The following DEPDC1B variants were observed in gnomAD, a reference collection of about 807,000 sequenced individuals.
The protein encoded by DEPDC1B is DEP domain containing 1B.
In DEPDC1B, 51 loss-of-function variants were observed where a neutral mutation model predicts 66.5. The observed-to-expected ratio is 0.77, with a 90% confidence interval of 0.61 to 0.97. The LOEUF (loss-of-function observed/expected upper bound fraction) is 0.97, where lower values mean the gene tolerates loss of function less well. Ranked by LOEUF, DEPDC1B falls within the 50% of genes least tolerant of loss-of-function variation. DEPDC1B has a pLI of 0.00. For synonymous variants in DEPDC1B, 226 were observed against 223.6 expected, an observed-to-expected ratio of 1.01 and a Z score of -0.10; for missense variants, 552 against 637.1, an observed-to-expected ratio of 0.87 and a Z score of 1.44.
chr5:60,691,850 C>T (rs1367675560), intron 1 of DEPDC1B, among the ~76,000 whole-genome samples: 24 of 152,120 alleles, frequency 1.6e-4, no homozygotes, highest in Admixed American at 1.4e-3. Context: ...TTGCCCAAAA[C>T]ATTTCAAGTC....
intron 2 of DEPDC1B, among the ~76,000 whole-genome samples, chr5:60,662,183 T>C (rs945609180): frequency 2.0e-5 from 3 of 151,688 alleles, no homozygotes; most frequent in African/African-American, 7.3e-5. Context: ...GGTCAGGAGA[T>C]TGAGACCATC....
At chr5:60,645,233 A>G (rs1005016403) in intron 4 of DEPDC1B, among the ~76,000 whole-genome samples, 4 of 152,244 alleles carry the variant, frequency 2.6e-5, no homozygotes. Context: ...TACATACAGT[A>G]CATCAGTATC....
At chr5:60,634,996 T>C (rs1336543468) in intron 7 of DEPDC1B, among the ~76,000 whole-genome samples, 1 of 148,246 alleles carries the variant, frequency 6.7e-6, no homozygotes, top group South Asian at 2.2e-4. Context: ...AAGATGGAGG[T>C]TGCGGTGAGC....
intron 7 of DEPDC1B, among the ~76,000 whole-genome samples, chr5:60,616,133 C>T (rs62373024): frequency 0.46 from 69,680 of 151,868 alleles, 17,263 homozygotes; most frequent in Admixed American, 0.56. Context: ...ACACCAAAAC[C>T]CCATCTGTAC....
chr5:60,670,381 TA>T (rs1357827428), intron 2 of DEPDC1B, among the ~76,000 whole-genome samples: 2 of 151,638 alleles, frequency 1.3e-5, no homozygotes, highest in Non-Finnish European at 2.9e-5. Context: ...CTCAAAAAAA[TA>T]AAAAATAACA....
chr5:60,606,344 T>C (rs546702895), intron 7 of DEPDC1B, among the ~76,000 whole-genome samples: 54 of 152,298 alleles, frequency 3.5e-4, no homozygotes, highest in African/African-American at 1.3e-3. Flanking sequence ...CACTGCCAAA[T>C]GGCTCCCCTT....
intron 2 of DEPDC1B, among the ~76,000 whole-genome samples, chr5:60,662,702 G>A (rs182738432): frequency 1.1e-3 from 169 of 152,226 alleles, no homozygotes; most frequent in Non-Finnish European, 2.0e-3. Context: ...GATGTCAAGG[G>A]AATCACTGGA....
intron 7 of DEPDC1B, among the ~76,000 whole-genome samples, chr5:60,629,156 T>G (rs1038842287): frequency 9.2e-5 from 14 of 152,320 alleles, no homozygotes; most frequent in Non-Finnish European, 1.0e-4. Context: ...GTCCACCATG[T>G]TGCTGCAATG....
At chr5:60,604,070 G>A (rs1056490491) in intron 8 of DEPDC1B, among the ~76,000 whole-genome samples, 8 of 151,066 alleles carry the variant, frequency 5.3e-5, no homozygotes, top group Non-Finnish European at 7.4e-5. Context: ...TAGGATTTTC[G>A]ATGTATATTT....
chr5:60,615,846 C>G (rs1253774203), intron 7 of DEPDC1B, among the ~76,000 whole-genome samples: 1 of 152,234 alleles, frequency 6.6e-6, no homozygotes, highest in African/African-American at 2.4e-5. Flanking sequence ...ACTGCCTCCT[C>G]AAGTGGGTCC....
At chr5:60,600,714 A>G (rs553405533) in intron 9 of DEPDC1B, among the ~76,000 whole-genome samples, 1 of 152,358 alleles carries the variant, frequency 6.6e-6, no homozygotes, top group Admixed American at 6.5e-5. Flanking sequence ...CCTGCAGTTA[A>G]ATTAATCACC....
intron 1 of DEPDC1B, chr5:60,689,150 C>G: frequency 4.7e-6 from 2 of 427,768 alleles, no homozygotes; most frequent in Non-Finnish European, 9.4e-6. Flanking sequence ...TGGTTGAGAA[C>G]TAAAAAAAAT....
At chr5:60,619,792 T>G (rs1752658629) in intron 7 of DEPDC1B, among the ~76,000 whole-genome samples, 1 of 152,156 alleles carries the variant, frequency 6.6e-6, no homozygotes, top group African/African-American at 2.4e-5. Flanking sequence ...AAAACTACTT[T>G]AAAGTTCATA....
In DEPDC1B at chr5:60,606,609, CAAAAAAAAAAAAAAA is replaced by C. The variant is rs60544270; in HGVS notation, c.899-768_899-754del. The stretch of plus-strand genomic sequence containing the variant: ...GCAACATAGTGAGAACCCATTTCTA[CAAAAAAAAAAAAAAA>C]AAAAAAAAAAAAAAATTTAATTAGC... On this transcript the variant is annotated intron_variant, in intron 7 of 10. Coordinates refer to ENST00000265036, the MANE Select transcript of DEPDC1B (RefSeq NM_018369.3). Among the ~76,000 whole-genome samples the C allele has an allele frequency of 0.018, 841 of 46,644 alleles. 33 individuals carry two copies. The East Asian group carries it at 0.24, about 13-fold the overall frequency. 30.6% of individuals were successfully genotyped at this position (46,644 alleles called of 152,430 possible).
chr5:60,622,786 A>G lies in DEPDC1B; in HGVS notation c.898+15964T>C, dbSNP rs554011648. 1.6e-4 allele frequency among the ~76,000 whole-genome samples: 24 copies of G among 152,306 alleles called. No homozygotes were observed. In the South Asian group the frequency reaches 5.0e-3, roughly 32 times the overall value. On this transcript the variant is annotated intron_variant, in intron 7 of 10. Transcript: ENST00000265036. ...ATCTGCATTTCCTGTATGATTAATGATGTTAATAATCTTTTCATGTGCTTA... is the reference window on the plus strand; with the variant it reads ...ATCTGCATTTCCTGTATGATTAATGGTGTTAATAATCTTTTCATGTGCTTA...
At chr5:60,678,118 T>C (rs1040552742) in intron 2 of DEPDC1B, among the ~76,000 whole-genome samples, 4 of 152,126 alleles carry the variant, frequency 2.6e-5, no homozygotes, top group East Asian at 1.9e-4. Flanking sequence ...TATTAGCATA[T>C]GGTAAAATAA....
At chr5:60,607,451 T>C (rs1049833265) in intron 7 of DEPDC1B, among the ~76,000 whole-genome samples, 1 of 152,208 alleles carries the variant, frequency 6.6e-6, no homozygotes, top group African/African-American at 2.4e-5. Flanking sequence ...AATATTTTAA[T>C]ATATTCTTTC....
At chr5:60,685,630 G>A (rs1029194649) in intron 2 of DEPDC1B, among the ~76,000 whole-genome samples, 1 of 152,108 alleles carries the variant, frequency 6.6e-6, no homozygotes, top group Non-Finnish European at 1.5e-5. Context: ...GGGACTCGAT[G>A]GGAGGTACCC....
chr5:60,607,264 A>G (rs1278953927), intron 7 of DEPDC1B, among the ~76,000 whole-genome samples: 1 of 152,158 alleles, frequency 6.6e-6, no homozygotes, highest in African/African-American at 2.4e-5. Flanking sequence ...ATTGGGTTTG[A>G]TCCCAAAGGC....
Sources: allele counts gnomAD v4.1 joint callset (sites outside exome capture counted in the v4.1 genomes callset), GRCh38; gene constraint gnomAD v4.1.1; transcripts MANE v1.5; gene names NCBI Gene and HGNC (gene_info 2026-07-23, HGNC 2026-07-21).